RUFY4: variants seen among roughly 807,000 people sequenced by gnomAD.
RUFY4 encodes RUN and FYVE domain containing 4.
Under a neutral mutation model 69.0 loss-of-function variants are expected in RUFY4, and 73 were observed. That is an observed-to-expected ratio of 1.06 (90% CI 0.88 to 1.29). The LOEUF (loss-of-function observed/expected upper bound fraction) is 1.29. Ranked by LOEUF, RUFY4 falls within the 50% of genes most tolerant of loss-of-function variation. The pLI is 0.00. For synonymous variants in RUFY4, 287 were observed against 271.8 expected (o/e 1.06, Z -0.55); for missense variants, 770 against 705.6 (o/e 1.09, Z -1.03).
intron 9 of RUFY4, among the ~76,000 whole-genome samples, chr2:218,086,519 T>C (rs1689897766): frequency 6.6e-6 from 1 of 152,210 alleles, no homozygotes; most frequent in African/African-American, 2.4e-5. Flanking sequence ...GTGCAATTCT[T>C]TTCAAGTTCT....
At chr2:218,089,728 G>C in intron 10 of RUFY4, 1 of 704,082 alleles carries the variant, frequency 1.4e-6, no homozygotes, top group Non-Finnish European at 2.6e-6. Context: ...GAGCCACCAG[G>C]AGAAGCTGCC....
At position 218,072,899 on chromosome 2, in the gene RUFY4, G is replaced by A; in HGVS notation, c.386+14G>A. The A allele has an allele frequency of 6.6e-7, 1 of 1,508,684 alleles. No individual in the cohort carries two copies. Among genetic ancestry groups the A allele is most frequent in the African/African-American group, 1.4e-5 (1 of 72,062 alleles). 93.5% of individuals were successfully genotyped at this position (1,508,684 alleles called of 1,614,324 possible). On this transcript the variant is annotated intron_variant, in intron 4 of 10. Coordinates refer to ENST00000344321, the Ensembl canonical transcript of RUFY4. ...AGAGCTCACCAGGTGGGGCTGTTGG[G>A]ACATCCTCCTGCCGATGCCATCTGA...
chr2:218,035,414 T>A (rs1226106668), intron 2 of RUFY4: 1 of 150,514 alleles, frequency 6.6e-6, no homozygotes, highest in East Asian at 2.0e-4. Flanking sequence ...TTGCCCGAGA[T>A]CACACAGTGA....
chr2:218,058,383 T>C (rs964446681), intron 2 of RUFY4, among the ~76,000 whole-genome samples: 2 of 152,250 alleles, frequency 1.3e-5, no homozygotes, highest in Non-Finnish European at 2.9e-5. Flanking sequence ...ATCTATCATG[T>C]GGGTAAGGAA....
Position 218,089,425 on chromosome 2 carries a change from C to T in RUFY4, c.1613+63C>T, listed in dbSNP as rs77745723. The T allele has an allele frequency of 5.7e-3, 8,078 of 1,404,888 alleles. 356 individuals are homozygous for T. In the African/African-American group the frequency reaches 0.094, roughly 16 times the overall value. The allele number at this position is 1,404,888 out of a possible 1,614,324, so 87.0% of individuals were successfully genotyped here. The stretch of plus-strand genomic sequence containing the variant: ...CCCAGTTTCCACCAGCTGACAGCCC[C>T]CACCCACCCCAGGGAAGGGAGGGAC... On this transcript the variant is annotated intron_variant, in intron 10 of 10. Transcript: ENST00000344321.
Position 218,084,238 on chromosome 2 carries a change from G to GT in RUFY4, c.1502+995dup, listed in dbSNP as rs887089619. Among the ~76,000 whole-genome samples the GT allele has an allele frequency of 2.9e-3, 425 of 144,072 alleles. 2 individuals carry two copies. Among genetic ancestry groups the GT allele is most frequent in the East Asian group, 8.7e-3 (43 of 4,962 alleles). 94.5% of individuals were successfully genotyped at this position (144,072 alleles called of 152,430 possible). A position where few individuals can be genotyped will look rare whatever the true frequency, so the allele number is the denominator to read the frequency against. The stretch of plus-strand genomic sequence containing the variant: ...GTTGCTAAGGGTTTTTTGTTTGCTT[G>GT]TTTTTTTTTTTTTAACGGAGTCTCG... On this transcript the variant is annotated intron_variant, in intron 9 of 10. Coordinates refer to ENST00000344321, the Ensembl canonical transcript of RUFY4.
chr2:218,072,803 C>T (rs200688740), exon 4 of RUFY4: 19 of 1,534,618 alleles, frequency 1.2e-5, no homozygotes, highest in Middle Eastern at 1.7e-4. Flanking sequence ...GGGGAAAGGC[C>T]GTGCCTTCAT....
chr2:218,055,450 A>G (rs996746712), intron 2 of RUFY4, among the ~76,000 whole-genome samples: 14 of 152,192 alleles, frequency 9.2e-5, no homozygotes, highest in African/African-American at 2.4e-5. Context: ...CTACACTTAC[A>G]TAAATAATCA....
chr2:218,045,145 G>A (rs1300721712), intron 2 of RUFY4, among the ~76,000 whole-genome samples: 1 of 152,078 alleles, frequency 6.6e-6, no homozygotes, highest in African/African-American at 2.4e-5. Context: ...ATTCTGACTG[G>A]TGCCAAGTGG....
In RUFY4 at chr2:218,072,370, CT is replaced by C. The variant is rs761570090; in HGVS notation, c.154-3del. ...ACACTTTCTTTGCCTCATTTTGGTT[CT>C]AGTTTGACCAGAAAGAGCAGAAGAG... On this transcript the variant is annotated splice_region_variant and splice_polypyrimidine_tract_variant and intron_variant, in intron 2 of 10. Coordinates refer to ENST00000344321, the Ensembl canonical transcript of RUFY4. The C allele has an allele frequency of 2.0e-4, 312 of 1,537,184 alleles. 2 individuals are homozygous for C. The East Asian group carries it at 7.6e-3, about 37-fold the overall frequency.
chr2:218,060,806 T>C, intron 3 of RUFY4: 1 of 1,587,288 alleles, frequency 6.3e-7, no homozygotes, highest in South Asian at 1.1e-5. Context: ...TCCACCAGTT[T>C]GCTGTATTGT....
chr2:218,083,035 G>C (rs1198179097), intron 8 of RUFY4, 75 bp from the exon 11 acceptor site: 1 of 1,486,634 alleles, frequency 6.7e-7, no homozygotes, highest in African/African-American at 2.0e-5. Flanking sequence ...TCCCTCTCTG[G>C]AAGAGGCTCA....
rs534460432 is a variant in RUFY4, at chr2:218,082,375, G to A, written c.1356-735G>A. 3.2e-4 allele frequency among the ~76,000 whole-genome samples: 38 copies of A among 119,912 alleles called. No individual in the cohort carries two copies. In the Middle Eastern group the frequency reaches 0.032, roughly 102 times the overall value. The allele number at this position is 119,912 out of a possible 152,430, so 78.7% of individuals were successfully genotyped here. On this transcript the variant is annotated intron_variant, in intron 8 of 10. Coordinates refer to ENST00000344321, the Ensembl canonical transcript of RUFY4. ...GACCATCCAGCCTGGGTTCCCAGGC[G>A]TCTGCCTTCCCTCCAGAGAGCTGCC...
In RUFY4 at chr2:218,073,397, G is replaced by A; in HGVS notation, c.530+11G>A. On this transcript the variant is annotated intron_variant, in intron 5 of 10. Coordinates refer to ENST00000344321, the Ensembl canonical transcript of RUFY4. ...GCCCATGTTCTCAGAGTGAGTGGGT[G>A]CAGCCAGGAGAGAAGTCTCTTTTGA... 6.3e-7 allele frequency: 1 copy of A among 1,586,894 alleles called. No individual in the cohort carries two copies. The highest frequency in any genetic ancestry group is 1.3e-5 in the African/African-American group (1 of 74,570).
chr2:218,076,739 G>A (rs1052531829), intron 8 of RUFY4, among the ~76,000 whole-genome samples: 2 of 152,046 alleles, frequency 1.3e-5, no homozygotes, highest in African/African-American at 4.8e-5. Context: ...TTTCTCGTAG[G>A]TCTCCCAGAG....
At chr2:218,089,578 G>C (rs558631861) in intron 10 of RUFY4, 1 of 666,386 alleles carries the variant, frequency 1.5e-6, no homozygotes, top group East Asian at 2.7e-5. Context: ...GGGGTCCGGG[G>C]AGTGGGATTG....
At chr2:218,086,309 C>A (rs1689893572) in intron 9 of RUFY4, among the ~76,000 whole-genome samples, 1 of 152,102 alleles carries the variant, frequency 6.6e-6, no homozygotes, top group African/African-American at 2.4e-5. Context: ...GAGAATTCCC[C>A]AGCTCTGATG....
exon 8 of RUFY4, chr2:218,076,447 G>A: frequency 1.9e-6 from 3 of 1,549,862 alleles, no homozygotes; most frequent in Non-Finnish European, 1.7e-6. Flanking sequence ...TTGGGCTCCG[G>A]AAGGCTGAGG....
At chr2:218,081,775 G>A (rs943341040) in intron 8 of RUFY4, among the ~76,000 whole-genome samples, 5 of 152,340 alleles carry the variant, frequency 3.3e-5, no homozygotes, top group East Asian at 1.9e-4. Context: ...GCACCAGAAC[G>A]CTCTTGGGGT....
Sources: allele counts gnomAD v4.1 joint callset (sites outside exome capture counted in the v4.1 genomes callset), GRCh38; gene constraint gnomAD v4.1.1; transcripts MANE v1.5; gene names NCBI Gene and HGNC (gene_info 2026-07-23, HGNC 2026-07-21).